BTBD9: variants seen among roughly 807,000 people sequenced by gnomAD.
BTBD9 encodes the protein BTB/POZ domain-containing protein 9.
In BTBD9, 49 loss-of-function variants were observed where a neutral mutation model predicts 64.3. The ratio of observed to expected loss-of-function variants is 0.76; its 90% CI spans 0.61 to 0.97. BTBD9 has a LOEUF of 0.97. Among genes scored for constraint, BTBD9 ranks in the 50% least tolerant of loss-of-function variants. BTBD9 has a pLI of 0.00. For synonymous variants in BTBD9, 260 were observed against 274.7 expected (o/e 0.95, Z 0.53); for missense variants, 598 against 762.1 (o/e 0.78, Z 2.53).
chr6:38,256,318 G>T, intron 9 of BTBD9, 91 bp downstream of exon 9: 1 of 834,692 alleles, frequency 1.2e-6, no homozygotes, highest in Non-Finnish European at 2.0e-6. Context: ...AATGTAATTT[G>T]GCGATTCTAT....
chr6:38,564,604 T>G (rs1478145929), intron 6 of BTBD9, among the ~76,000 whole-genome samples: 1 of 151,814 alleles, frequency 6.6e-6, no homozygotes. Flanking sequence ...AATCTCACTA[T>G]ATGGCCGAGC....
chr6:38,366,773 C>A (rs185509306), intron 6 of BTBD9, among the ~76,000 whole-genome samples: 1 of 152,124 alleles, frequency 6.6e-6, no homozygotes, highest in Non-Finnish European at 1.5e-5. Flanking sequence ...GAAAGGGAAG[C>A]CTTTCAGCTT....
intron 4 of BTBD9, chr6:38,587,638 T>C: frequency 1.7e-6 from 1 of 599,818 alleles, no homozygotes; most frequent in Non-Finnish European, 3.2e-6. Context: ...TCAGGTGAAA[T>C]ATCTCTGTCG....
intron 9 of BTBD9, among the ~76,000 whole-genome samples, chr6:38,217,206 C>T (rs1763035450): frequency 1.3e-5 from 2 of 149,078 alleles, no homozygotes; most frequent in South Asian, 2.1e-4. Flanking sequence ...GTAGTCCTAG[C>T]TACTCAGGAA....
chr6:38,191,726 C>T (rs929162574), intron 10 of BTBD9, among the ~76,000 whole-genome samples: 1 of 152,098 alleles, frequency 6.6e-6, no homozygotes, highest in Non-Finnish European at 1.5e-5. Flanking sequence ...GCTCAGGGAG[C>T]GGGTGGCTGA....
At chr6:38,639,712 CGGTGCGCGCGGATACGGCG>C (rs1289065813) in intron 1 of BTBD9, 69 bp downstream of exon 1, 1 of 148,034 alleles carries the variant, frequency 6.8e-6, no homozygotes, top group Non-Finnish European at 1.5e-5. Context: ...GGGCGGGGGG[CGGTGCGCGCGGATACGGCG>C]GGGGCGCGCG....
chr6:38,328,330 A>G (rs1436529034), intron 7 of BTBD9, among the ~76,000 whole-genome samples: 1 of 152,166 alleles, frequency 6.6e-6, no homozygotes, highest in Non-Finnish European at 1.5e-5. Flanking sequence ...TAAAGAGGAA[A>G]TTAAGGGTAG....
At chr6:38,301,837 G>C (rs1479292612) in intron 7 of BTBD9, among the ~76,000 whole-genome samples, 1 of 151,968 alleles carries the variant, frequency 6.6e-6, no homozygotes, top group Non-Finnish European at 1.5e-5. Context: ...TTTTTTGAAG[G>C]GTTTTTTGTG....
chr6:38,207,128 C>T (rs1762682557), intron 9 of BTBD9: 1 of 157,108 alleles, frequency 6.4e-6, no homozygotes, highest in South Asian at 1.8e-4. Context: ...CACCTAAATG[C>T]TCATCACTGG....
rs372091424 is a variant in BTBD9 at position 38,564,761 on chromosome 6, A to G, written c.1154+12839T>C. 2.3e-3 allele frequency among the ~76,000 whole-genome samples: 353 copies of G among 152,010 alleles called. 2 individuals are homozygous for G. In the South Asian group the frequency reaches 0.027, roughly 12 times the overall value. On this transcript the variant is annotated intron_variant, in intron 6 of 10. Transcript: ENST00000481247. The stretch of plus-strand genomic sequence containing the variant: ...AACAAAATTAGCTGGGCGTGGTGGT[A>G]GGCACCTGTAATCCCAGCTACTCGG...
chr6:38,238,685 G>C (rs1019127052), intron 9 of BTBD9, among the ~76,000 whole-genome samples: 3 of 152,054 alleles, frequency 2.0e-5, no homozygotes, highest in African/African-American at 7.2e-5. Context: ...GTGTTATCCA[G>C]GATGGTCTCG....
At chr6:38,473,903 C>T (rs140451656) in intron 6 of BTBD9, among the ~76,000 whole-genome samples, 2,312 of 152,102 alleles carry the variant, frequency 0.015, 38 homozygotes, top group Non-Finnish European at 0.024. Flanking sequence ...TATAAGTAAG[C>T]TAGATGAAGA....
At chr6:38,192,970 G>A (rs1762144567) in intron 9 of BTBD9, among the ~76,000 whole-genome samples, 1 of 152,000 alleles carries the variant, frequency 6.6e-6, no homozygotes, top group Non-Finnish European at 1.5e-5. Context: ...ACAAGTTGAT[G>A]GGTGCAGCAC....
intron 6 of BTBD9, among the ~76,000 whole-genome samples, chr6:38,476,167 G>A (rs557608222): frequency 2.0e-5 from 3 of 152,278 alleles, no homozygotes; most frequent in African/African-American, 4.8e-5. Context: ...TAAGCTTAAC[G>A]GTTAGACACT....
intron 6 of BTBD9, among the ~76,000 whole-genome samples, chr6:38,360,101 G>T (rs539409819): frequency 6.6e-6 from 1 of 152,212 alleles, no homozygotes; most frequent in African/African-American, 2.4e-5. Flanking sequence ...TTAAATTAAA[G>T]AAGTCCCCCA....
At chr6:38,545,204 A>G (rs2748157) in intron 6 of BTBD9, among the ~76,000 whole-genome samples, 81,979 of 151,470 alleles carry the variant, frequency 0.54, 22,886 homozygotes, top group African/African-American at 0.69. Context: ...CAATTCTCCT[A>G]CCTCAGCCTC....
At position 38,594,294 on chromosome 6, in the gene BTBD9, C is replaced by A. The variant is rs528291228; in HGVS notation, c.219G>T (p.Gln73His). 1 of 1,613,508 alleles carries A rather than the reference C, an allele frequency of 6.2e-7. No individual in the cohort carries two copies. Among genetic ancestry groups the A allele is most frequent in the Non-Finnish European group, 8.5e-7 (1 of 1,179,628 alleles). ...CTTGGAGAGGAATTTCTGCTTCAGG[C>A]TGAGACTCTCGCATTCCACCATATA... ...ALLYGGMRES[Q>H]PEAEIPLQDT... The change falls in exon 3 of 11, where the codon CAG (glutamine) becomes CAT (histidine). Residue 73 changes from glutamine (Q) to histidine (H), a missense_variant. Gln to His is a conservative substitution (Grantham distance 24). Transcript: ENST00000481247.
rs913328919 is a variant in BTBD9 at position 38,435,024 on chromosome 6, G to A, written c.1155-89931C>T. 7.2e-5 allele frequency among the ~76,000 whole-genome samples: 11 copies of A among 151,820 alleles called. No individual in the cohort carries two copies. The South Asian group carries it at 2.1e-3, about 29-fold the overall frequency. On this transcript the variant is annotated intron_variant, in intron 6 of 10. Transcript: ENST00000481247. ...AGCCTGACCAACATGGAGAAACCCT[G>A]TCTCTACTAAAAATACAAAATTAGC...
intron 2 of BTBD9, among the ~76,000 whole-genome samples, chr6:38,596,968 G>A (rs546903743): frequency 6.6e-6 from 1 of 152,186 alleles, no homozygotes; most frequent in Non-Finnish European, 1.5e-5. Flanking sequence ...TTGACCACTA[G>A]GAAGAATAGG....
Sources: gnomAD v4.1 joint callset for allele counts (sites outside exome capture counted in the v4.1 genomes callset) on GRCh38, gnomAD v4.1.1 for gene constraint, MANE v1.5 for transcripts, NCBI Gene and HGNC (gene_info 2026-07-23, HGNC 2026-07-21) for gene names.